The following ZFYVE26 variants were observed in gnomAD, a reference collection of about 807,000 sequenced individuals.
ZFYVE26 encodes the protein zinc finger FYVE domain-containing protein 26.
ZFYVE26 carries 181 observed loss-of-function variants against 276.5 expected under a neutral mutation model. That is an observed-to-expected ratio of 0.65 (90% CI 0.58 to 0.74). The LOEUF is 0.74. ZFYVE26 is among the 30% of genes least tolerant of loss of function. The pLI, the probability that ZFYVE26 is intolerant of heterozygous loss-of-function variation, is 0.00. For synonymous variants in ZFYVE26, 1,129 were observed against 1,203.1 expected (o/e 0.94, Z 1.27); for missense variants, 2,821 against 3,097.9 (o/e 0.91, Z 2.12).
In ZFYVE26 at chr14:67,777,658, G is replaced by C. The variant is rs1229065235; in HGVS notation, c.4875C>G (p.Ala1625=). The change falls in exon 25 of 42, where the codon GCC becomes GCG. Residue 1625 remains alanine, a synonymous_variant. Coordinates refer to ENST00000347230, the MANE Select transcript of ZFYVE26 (RefSeq NM_015346.4). The stretch of plus-strand genomic sequence containing the variant: ...GGTAGTTGGCCAAGAAGTGAGAAGT[G>C]GCCAAGCTAGTGTGCTGGTCGAGGG... The part of the protein sequence containing the change: ...EQSLDQHTSL[A]TSHFLANYLT... The C allele has an allele frequency of 1.2e-6, 2 of 1,614,014 alleles. No individual in the cohort carries two copies. Among genetic ancestry groups the C allele is most frequent in the African/African-American group, 2.7e-5 (2 of 74,882 alleles).
rs2140182629 is a variant in ZFYVE26 at position 67,753,746 on chromosome 14, A to G, written c.7149T>C (p.Asn2383=). 1 of 1,613,550 alleles carries G rather than the reference A, an allele frequency of 6.2e-7. No individual in the cohort carries two copies. The highest frequency in any genetic ancestry group is 1.3e-5 in the African/African-American group (1 of 74,964). Residue 2383 remains asparagine, a synonymous_variant, in exon 39 of 42, where the codon AAT becomes AAC. Transcript: ENST00000347230. Reference sequence around the variant, plus strand: ...AAGCAATTCCAAAACCATCTTCTACATTTTTCCCTCCCAGCATGACCTGAA... The same window carrying G: ...AAGCAATTCCAAAACCATCTTCTACGTTTTTCCCTCCCAGCATGACCTGAA... ...VACKVMLGGK[N]VEDGFGIAFR...
Position 67,783,541 on chromosome 14 carries a change from C to T in ZFYVE26, c.3627-16G>A, listed in dbSNP as rs1237262758. The T allele has an allele frequency of 1.9e-6, 3 of 1,610,274 alleles. No individual in the cohort carries two copies. Among genetic ancestry groups the T allele is most frequent in the South Asian group, 2.2e-5 (2 of 91,080 alleles). Reference sequence around the variant, plus strand: ...GGCTGCCAGTCTGGAAGGAGAGAAGCAGAAAGCATACAAGGCCTGAATACA... The same window carrying T: ...GGCTGCCAGTCTGGAAGGAGAGAAGTAGAAAGCATACAAGGCCTGAATACA... On this transcript the variant is annotated splice_polypyrimidine_tract_variant and intron_variant, in intron 20 of 41. Transcript: ENST00000347230.
downstream of ZFYVE26, among the ~76,000 whole-genome samples, chr14:67,745,669 C>T (rs1341189606): frequency 6.6e-6 from 1 of 151,860 alleles, no homozygotes; most frequent in Non-Finnish European, 1.5e-5. Context: ...CAAAGATTGA[C>T]AATTTGGTTG....
downstream of ZFYVE26, among the ~76,000 whole-genome samples, chr14:67,743,830 C>T (rs2140171690): frequency 6.6e-6 from 1 of 152,164 alleles, no homozygotes; most frequent in South Asian, 2.1e-4. Flanking sequence ...GAAGAGAAAG[C>T]ATAGGCAGAG....
At chr14:67,769,972 T>C in intron 28 of ZFYVE26, 1 of 552,774 alleles carries the variant, frequency 1.8e-6, no homozygotes, top group Non-Finnish European at 3.2e-6. Flanking sequence ...CCTGACAAGT[T>C]CTACTTGTGT....
chr14:67,784,173 C>G (rs1273995364), intron 20 of ZFYVE26, among the ~76,000 whole-genome samples, 161 bp downstream of exon 20: 1 of 152,130 alleles, frequency 6.6e-6, no homozygotes, highest in Non-Finnish European at 1.5e-5. Flanking sequence ...AAGCAGGAAA[C>G]AAGGCACATT....
chr14:67,794,711 G>A (rs557491077), intron 12 of ZFYVE26, among the ~76,000 whole-genome samples: 6 of 152,336 alleles, frequency 3.9e-5, no homozygotes, highest in East Asian at 3.9e-4. Flanking sequence ...TTGGGAGGCC[G>A]TTGTAGCAGG....
chr14:67,797,486 T>C, intron 12 of ZFYVE26, 186 bp downstream of exon 12: 1 of 685,318 alleles, frequency 1.5e-6, no homozygotes, highest in Non-Finnish European at 2.6e-6. Flanking sequence ...TACATGTTTA[T>C]ATTGCATGGA....
At chr14:67,733,402 T>C (rs950162004) in intron 13 of ZFYVE26, among the ~76,000 whole-genome samples, 1 of 152,240 alleles carries the variant, frequency 6.6e-6, no homozygotes, top group African/African-American at 2.4e-5. Context: ...TAGTGATACC[T>C]GTGACTTTGT....
intron 37 of ZFYVE26, 95 bp from the exon 38 acceptor site, chr14:67,754,307 A>C: frequency 1.3e-6 from 2 of 1,526,620 alleles, no homozygotes; most frequent in Non-Finnish European, 1.8e-6. Context: ...GCAATGAAAA[A>C]GGGAAAACAA....
At chr14:67,815,287 T>C (rs971109549) in intron 2 of ZFYVE26, among the ~76,000 whole-genome samples, 17 of 152,232 alleles carry the variant, frequency 1.1e-4, no homozygotes, top group Middle Eastern at 3.2e-3. Context: ...TTTGATATTG[T>C]ACTACAGCTG....
chr14:67,755,355 A>G (rs943308272), intron 36 of ZFYVE26, 105 bp from the exon 37 acceptor site: 20 of 1,308,952 alleles, frequency 1.5e-5, no homozygotes, highest in African/African-American at 2.9e-5. Context: ...CCTTGTTTCC[A>G]GCACCCACTC....
rs1339984877 is a variant in ZFYVE26 at position 67,809,197 on chromosome 14, C to T, written c.363+3G>A. On this transcript the variant is annotated splice_donor_region_variant and intron_variant, in intron 4 of 41. Transcript: ENST00000347230. ...GGCAGATGGTACCAGGGCTCTCTCT[C>T]ACCTCGAGGATGTTCTCTGGAATGT... 1.2e-6 allele frequency: 2 copies of T among 1,613,634 alleles called. No homozygotes were observed.
chr14:67,755,024 C>T, intron 37 of ZFYVE26, 27 bp downstream of exon 37: 3 of 1,612,762 alleles, frequency 1.9e-6, no homozygotes, highest in Non-Finnish European at 2.5e-6. Flanking sequence ...CTGCCCCACA[C>T]CAATAGTCCC....
At chr14:67,748,761 G>A in intron 41 of ZFYVE26, 122 bp from the exon 42 acceptor site, 2 of 959,724 alleles carry the variant, frequency 2.1e-6, no homozygotes, top group Non-Finnish European at 3.3e-6. Flanking sequence ...TTCATAACAG[G>A]ATTCATGTAT....
At position 67,798,954 on chromosome 14, in the gene ZFYVE26, C is replaced by T. The variant is rs867337317; in HGVS notation, c.1640-332G>A. 86 of 1,131,620 alleles carry T rather than the reference C, an allele frequency of 7.6e-5. No homozygotes were observed. The South Asian group carries it at 1.0e-3, about 14-fold the overall frequency. 70.1% of individuals were successfully genotyped at this position (1,131,620 alleles called of 1,614,324 possible). ...CGCCTCTGATCTTTATTTCTCGCGC[C>T]GCGGTTTCGGTGGGAGGGGCGGGGG... On this transcript the variant is annotated intron_variant, in intron 10 of 41. Coordinates refer to ENST00000347230, the MANE Select transcript of ZFYVE26 (RefSeq NM_015346.4).
intron 40 of ZFYVE26, 117 bp from the exon 41 acceptor site, chr14:67,751,213 C>CA: frequency 1.7e-6 from 2 of 1,161,146 alleles, no homozygotes; most frequent in Non-Finnish European, 2.5e-6. Context: ...GTCTGCCTGA[C>CA]TTTTTTTTTC....
rs1431219554 is a variant in ZFYVE26, at chr14:67,751,859, C to CT, written c.7371+484dup. The stretch of plus-strand genomic sequence containing the variant: ...CCTGGGCGACAGCGCGAGACTCTGT[C>CT]TCAAAAAAAAAAAAGAACAAGAAAG... On this transcript the variant is annotated intron_variant, in intron 40 of 41. Transcript: ENST00000347230. 3.8e-4 allele frequency among the ~76,000 whole-genome samples: 54 copies of CT among 143,190 alleles called. 1 individual carries two copies. In the Admixed American group the frequency reaches 3.9e-3, roughly 10 times the overall value. 93.9% of individuals were successfully genotyped at this position (143,190 alleles called of 152,430 possible).
At chr14:67,795,301 G>A (rs1052422184) in intron 12 of ZFYVE26, among the ~76,000 whole-genome samples, 11 of 152,198 alleles carry the variant, frequency 7.2e-5, no homozygotes, top group Non-Finnish European at 1.6e-4. Context: ...CAACCTTGAA[G>A]CTTTCTCTCA....
Sources: allele counts gnomAD v4.1 joint callset (sites outside exome capture counted in the v4.1 genomes callset), GRCh38; gene constraint gnomAD v4.1.1; transcripts MANE v1.5; gene names NCBI Gene and HGNC (gene_info 2026-07-23, HGNC 2026-07-21).